Variants in NBAS observed in about 807,000 individuals in gnomAD.
NBAS encodes NBAS subunit of NRZ tethering complex.
Under a neutral mutation model 302.5 loss-of-function variants are expected in NBAS, and 219 were observed. That is an observed-to-expected ratio of 0.72 (90% CI 0.65 to 0.81). The LOEUF is 0.81. Among genes scored for constraint, NBAS ranks in the 30% least tolerant of loss-of-function variants. The pLI, the probability that NBAS is intolerant of heterozygous loss-of-function variation, is 0.00. For synonymous variants in NBAS, 1,118 were observed against 1,021.6 expected (o/e 1.09, Z -1.80); for missense variants, 2,932 against 2,841.6 (o/e 1.03, Z -0.72).
At chr2:14,848,413 C>T in the NBAS span, among the ~76,000 whole-genome samples, 1 of 141,088 alleles carries the variant, frequency 7.1e-6, no homozygotes, top group African/African-American at 3.1e-5. Context: ...CCACACCTGG[C>T]TCGGAGGGTC....
chr2:15,065,938 A>T, the NBAS span, among the ~76,000 whole-genome samples: 1 of 150,860 alleles, frequency 6.6e-6, no homozygotes, highest in Non-Finnish European at 1.5e-5. Flanking sequence ...AAGCAATCAA[A>T]GAAGAACAAA....
At chr2:14,938,633 A>T in the NBAS span, among the ~76,000 whole-genome samples, 1 of 152,224 alleles carries the variant, frequency 6.6e-6, no homozygotes, top group Non-Finnish European at 1.5e-5. Flanking sequence ...CACACCTTTA[A>T]TGACAAGAAG....
intron 40 of NBAS, among the ~76,000 whole-genome samples, chr2:15,299,199 C>T (rs906541501): frequency 1.3e-5 from 2 of 152,192 alleles, no homozygotes; most frequent in Non-Finnish European, 2.9e-5. Context: ...GCTGCAAAAA[C>T]TAACAGCATA....
downstream of NBAS, among the ~76,000 whole-genome samples, chr2:15,162,572 T>C (rs1663924612): frequency 6.6e-6 from 1 of 152,180 alleles, no homozygotes; most frequent in African/African-American, 2.4e-5. Flanking sequence ...TGTGAGCAGG[T>C]TGCAACACCA....
intron 47 of NBAS, among the ~76,000 whole-genome samples, chr2:15,219,617 G>A (rs1420143555): frequency 7.2e-6 from 1 of 138,980 alleles, no homozygotes; most frequent in East Asian, 2.0e-4. Context: ...CACAGCACAT[G>A]TTTCAGAGGG....
chr2:15,010,101 T>C, the NBAS span, among the ~76,000 whole-genome samples: 1 of 152,190 alleles, frequency 6.6e-6, no homozygotes, highest in Non-Finnish European at 1.5e-5. Flanking sequence ...CAAATGGCTC[T>C]GGAAGAGAGG....
chr2:15,350,011 C>G (rs1673274280), intron 35 of NBAS, among the ~76,000 whole-genome samples: 1 of 152,024 alleles, frequency 6.6e-6, no homozygotes, highest in Non-Finnish European at 1.5e-5. Flanking sequence ...CAAAAAGTAA[C>G]ATTACAACCC....
chr2:15,232,481 C>G lies in NBAS; in HGVS notation c.6177G>C (p.Arg2059Ser). Residue 2059 changes from arginine to serine, a missense_variant, in exon 47 of 52, where the codon AGG becomes AGC. Physicochemically the swap from Arg to Ser is moderately radical, Grantham distance 110. Transcript: ENST00000281513. ...CACCTTCCAGGACCTTCAGTGGGTC[C>G]CTTGGCCCACCAAGGTCAGCACTGC... ...SGGSADLGGP[R>S]DPLKVLEGVV... The G allele has an allele frequency of 6.2e-7, 1 of 1,613,956 alleles. No individual in the cohort carries two copies.
chr2:15,322,598 C>A (rs1057262323), intron 38 of NBAS, among the ~76,000 whole-genome samples: 1 of 152,010 alleles, frequency 6.6e-6, no homozygotes, highest in Non-Finnish European at 1.5e-5. Flanking sequence ...AAATAATGAC[C>A]AACTTTCTTT....
At position 15,480,119 on chromosome 2, in the gene NBAS, C is replaced by T. The variant is rs115759020; in HGVS notation, c.1084-1830G>A. Reference sequence around the variant, plus strand: ...ACTTTGGAAGGCCAAGGCAGGAGAGCTGCTTGAGGCTAGCAGTTTGAGACT... The same window carrying T: ...ACTTTGGAAGGCCAAGGCAGGAGAGTTGCTTGAGGCTAGCAGTTTGAGACT... On this transcript the variant is annotated intron_variant, in intron 12 of 51. Transcript: ENST00000281513. Among the ~76,000 whole-genome samples, 1,011 of 152,218 alleles carry T rather than the reference C, an allele frequency of 6.6e-3. 10 individuals are homozygous for T. Among genetic ancestry groups the T allele is most frequent in the African/African-American group, 0.022 (918 of 41,542 alleles).
chr2:15,196,654 T>C (rs1665635397), intron 48 of NBAS, among the ~76,000 whole-genome samples: 1 of 152,234 alleles, frequency 6.6e-6, no homozygotes, highest in Admixed American at 6.5e-5. Context: ...GAAAAATCCC[T>C]ATACATGATG....
the NBAS span, among the ~76,000 whole-genome samples, chr2:14,845,464 T>C: frequency 3.9e-5 from 6 of 152,314 alleles, no homozygotes; most frequent in Admixed American, 1.3e-4. Flanking sequence ...TTGTAAAGAC[T>C]GCACTAAATC....
intron 44 of NBAS, among the ~76,000 whole-genome samples, chr2:15,252,470 C>A (rs533450811): frequency 6.6e-6 from 1 of 151,680 alleles, no homozygotes; most frequent in African/African-American, 2.4e-5. Flanking sequence ...TGCACACCAG[C>A]CTGGGCAACA....
At chr2:15,295,403 GCA>G (rs1359909056) in intron 40 of NBAS, among the ~76,000 whole-genome samples, 1 of 152,110 alleles carries the variant, frequency 6.6e-6, no homozygotes, top group Non-Finnish European at 1.5e-5. Context: ...AGTGAAATAA[GCA>G]CAGACACACA....
chr2:15,081,537 T>C, the NBAS span, among the ~76,000 whole-genome samples: 1 of 152,202 alleles, frequency 6.6e-6, no homozygotes, highest in Admixed American at 6.5e-5. Flanking sequence ...GCTATCCCAA[T>C]GCCCACGACC....
chr2:15,108,397 T>C, the NBAS span, among the ~76,000 whole-genome samples: 1 of 152,118 alleles, frequency 6.6e-6, no homozygotes, highest in East Asian at 1.9e-4. Flanking sequence ...GGATATGGGA[T>C]ATAAACCCAA....
the NBAS span, among the ~76,000 whole-genome samples, chr2:14,809,620 T>C: frequency 6.6e-6 from 1 of 152,224 alleles, no homozygotes; most frequent in African/African-American, 2.4e-5. Context: ...ATGCAGAACC[T>C]GTGCTAGGTA....
At chr2:15,361,532 A>G (rs1359567778) in intron 32 of NBAS, among the ~76,000 whole-genome samples, 3 of 152,148 alleles carry the variant, frequency 2.0e-5, no homozygotes, top group African/African-American at 7.2e-5. Flanking sequence ...AAAACAAAAA[A>G]ATGGCACAGA....
chr2:15,335,087 C>T (rs77012959), intron 35 of NBAS, among the ~76,000 whole-genome samples: 17 of 151,470 alleles, frequency 1.1e-4, no homozygotes, highest in African/African-American at 3.4e-4. Context: ...CTGTAATCCC[C>T]GCACTTCGGG....
Sources: allele counts gnomAD v4.1 joint callset (sites outside exome capture counted in the v4.1 genomes callset), GRCh38; gene constraint gnomAD v4.1.1; transcripts MANE v1.5; gene names NCBI Gene and HGNC (gene_info 2026-07-23, HGNC 2026-07-21).